Variants in LUZP2 observed in about 807,000 individuals in gnomAD.
The protein encoded by LUZP2 is leucine zipper protein 2.
LUZP2 carries 52 observed loss-of-function variants against 51.6 expected under a neutral mutation model. That is an observed-to-expected ratio of 1.01 (90% CI 0.81 to 1.27). The LOEUF (loss-of-function observed/expected upper bound fraction) is 1.27, where lower values mean the gene tolerates loss of function less well. LUZP2 is among the 50% of genes most tolerant of loss of function. The pLI is 0.00. For synonymous variants in LUZP2, 154 were observed against 137.3 expected (o/e 1.12, Z -0.85); for missense variants, 436 against 395.4 (o/e 1.10, Z -0.87).
At chr11:24,786,563 A>T in intron 5 of LUZP2, 2 of 337,456 alleles carry the variant, frequency 5.9e-6, no homozygotes, top group Non-Finnish European at 8.2e-6. Context: ...GGTGTATATA[A>T]TTATATAATA....
intron 1 of LUZP2, among the ~76,000 whole-genome samples, chr11:24,541,959 T>G (rs1379904586): frequency 6.6e-6 from 1 of 152,070 alleles, no homozygotes; most frequent in Non-Finnish European, 1.5e-5. Flanking sequence ...GTTCTGTTAT[T>G]TATAATCACA....
intron 7 of LUZP2, among the ~76,000 whole-genome samples, chr11:24,944,416 A>G (rs1455154937): frequency 2.6e-5 from 4 of 152,228 alleles, no homozygotes; most frequent in African/African-American, 9.6e-5. Flanking sequence ...AAACATATGC[A>G]TATAATTTTT....
At chr11:24,782,110 G>C (rs150890401) in intron 5 of LUZP2, among the ~76,000 whole-genome samples, 1,783 of 152,130 alleles carry the variant, frequency 0.012, 21 homozygotes, top group Non-Finnish European at 0.018. Context: ...TCAGAATCAG[G>C]TGTGACTTGA....
intron 2 of LUZP2, among the ~76,000 whole-genome samples, chr11:24,731,322 A>G (rs1378525831): frequency 3.3e-5 from 5 of 151,674 alleles, no homozygotes; most frequent in South Asian, 2.1e-4. Context: ...GTTCCCTACC[A>G]GTCACAACTA....
chr11:24,769,801 G>T (rs528499326), intron 5 of LUZP2, among the ~76,000 whole-genome samples: 7,450 of 143,746 alleles, frequency 0.052, 474 homozygotes, highest in African/African-American at 0.16. Flanking sequence ...TTGTTTGTTT[G>T]TTTTGTTTTG....
chr11:24,562,606 C>T (rs1441463151), intron 1 of LUZP2, among the ~76,000 whole-genome samples: 1 of 150,984 alleles, frequency 6.6e-6, no homozygotes, highest in East Asian at 1.9e-4. Flanking sequence ...GTAATCCCAG[C>T]AATTTGGGAG....
chr11:24,897,803 T>C (rs535057218), intron 5 of LUZP2, among the ~76,000 whole-genome samples: 1 of 152,338 alleles, frequency 6.6e-6, no homozygotes, highest in South Asian at 2.1e-4. Flanking sequence ...TGTCCTTTTT[T>C]TAATGGGGTT....
In LUZP2 at chr11:24,562,575, C is replaced by T. The variant is rs549136786; in HGVS notation, c.62+65270C>T. On this transcript the variant is annotated intron_variant, in intron 1 of 11. Transcript: ENST00000336930. The stretch of plus-strand genomic sequence containing the variant: ...GGGACAATAAAGAAAGGTTATAGGC[C>T]GGGCGCGGTGGCTCATGTCTGTAAT... 2.8e-4 allele frequency among the ~76,000 whole-genome samples: 43 copies of T among 151,724 alleles called. 1 individual carries two copies. The highest frequency in any genetic ancestry group is 3.4e-3 in the Middle Eastern group (1 of 294).
chr11:24,507,743 C>A (rs1158637675), intron 1 of LUZP2, among the ~76,000 whole-genome samples: 1 of 151,930 alleles, frequency 6.6e-6, no homozygotes, highest in Non-Finnish European at 1.5e-5. Flanking sequence ...GGCAGGAAAT[C>A]TGAACTTTCA....
intron 1 of LUZP2, among the ~76,000 whole-genome samples, chr11:24,635,506 A>G (rs114666507): frequency 0.013 from 1,943 of 152,190 alleles, 37 homozygotes; most frequent in African/African-American, 0.044. Context: ...TCACCAAACT[A>G]AAGACAGTCA....
intron 1 of LUZP2, among the ~76,000 whole-genome samples, chr11:24,719,097 G>A (rs73437163): frequency 0.015 from 2,301 of 152,282 alleles, 70 homozygotes; most frequent in African/African-American, 0.053. Flanking sequence ...TGACATGGCC[G>A]AAGGGGCTAC....
At chr11:24,853,973 C>T (rs1851472663) in intron 5 of LUZP2, among the ~76,000 whole-genome samples, 1 of 152,172 alleles carries the variant, frequency 6.6e-6, no homozygotes, top group South Asian at 2.1e-4. Context: ...AAGATTGCCG[C>T]CTGTTCCTCC....
At chr11:24,766,306 C>T in intron 5 of LUZP2, among the ~76,000 whole-genome samples, 1 of 152,172 alleles carries the variant, frequency 6.6e-6, no homozygotes, top group South Asian at 2.1e-4. Context: ...ATCATATTAA[C>T]AATTAACAAG....
intron 1 of LUZP2, among the ~76,000 whole-genome samples, chr11:24,617,246 G>T (rs1854319796): frequency 1.3e-5 from 2 of 149,742 alleles, no homozygotes; most frequent in African/African-American, 4.9e-5. Flanking sequence ...TTTCTATTCT[G>T]CATGAGCCTA....
intron 5 of LUZP2, among the ~76,000 whole-genome samples, chr11:24,901,754 T>C (rs1214174228): frequency 1.3e-5 from 2 of 152,168 alleles, no homozygotes. Context: ...CTACCCGTGA[T>C]AGCTCCCATT....
intron 1 of LUZP2, among the ~76,000 whole-genome samples, chr11:24,649,353 G>T (rs1445576328): frequency 6.6e-6 from 1 of 151,886 alleles, no homozygotes; most frequent in Non-Finnish European, 1.5e-5. Flanking sequence ...TATTTATGCT[G>T]CTCCTTCAAA....
chr11:25,008,667 A>T (rs1856901723), intron 9 of LUZP2, among the ~76,000 whole-genome samples: 1 of 152,214 alleles, frequency 6.6e-6, no homozygotes, highest in Admixed American at 6.5e-5. Flanking sequence ...GGGACAAAGA[A>T]GAATGAGGTT....
chr11:24,803,414 TG>T, intron 5 of LUZP2, among the ~76,000 whole-genome samples: 1 of 152,134 alleles, frequency 6.6e-6, no homozygotes, highest in South Asian at 2.1e-4. Context: ...GTAGAGAAAT[TG>T]GAATCCTTGC....
chr11:24,642,345 C>T (rs1855318892), intron 1 of LUZP2, among the ~76,000 whole-genome samples: 1 of 151,534 alleles, frequency 6.6e-6, no homozygotes, highest in Non-Finnish European at 1.5e-5. Context: ...TAACTCTTTA[C>T]ACTATAAAAC....
Sources: gnomAD v4.1 joint callset for allele counts (sites outside exome capture counted in the v4.1 genomes callset) on GRCh38, gnomAD v4.1.1 for gene constraint, MANE v1.5 for transcripts, NCBI Gene and HGNC (gene_info 2026-07-23, HGNC 2026-07-21) for gene names.